Variants in C5orf58 observed in about 807,000 individuals in gnomAD.
C5orf58 encodes chromosome 5 open reading frame 58.
Under a neutral mutation model 2.9 loss-of-function variants are expected in C5orf58, and 2 were observed. That is an observed-to-expected ratio of 0.69 (90% CI 0.28 to 2.18). The LOEUF (loss-of-function observed/expected upper bound fraction) is 2.18, where lower values mean the gene tolerates loss of function less well. C5orf58 is among the 30% of genes most tolerant of loss of function. The probability of loss-of-function intolerance (pLI) is 0.13; values close to 1 mark genes in which losing one functional copy is unlikely to be tolerated. For synonymous variants in C5orf58, 37 were observed against 33.4 expected (o/e 1.11, Z -0.37); for missense variants, 96 against 91.7 (o/e 1.05, Z -0.19).
chr5:170,250,590 C>A, downstream of C5orf58: 1 of 664,746 alleles, frequency 1.5e-6, no homozygotes, highest in Non-Finnish European at 2.7e-6. Flanking sequence ...TATTTCTCTT[C>A]CAATAAATGA....
At chr5:170,248,244 G>A (rs1038864081), downstream of C5orf58, 4 of 152,866 alleles carry the variant, frequency 2.6e-5, no homozygotes, top group Non-Finnish European at 5.9e-5. Flanking sequence ...ACGAGGTTTA[G>A]TGATTTTCAA....
chr5:170,240,441 T>C (rs1760949398), intron 3 of C5orf58, among the ~76,000 whole-genome samples: 1 of 150,916 alleles, frequency 6.6e-6, no homozygotes, highest in Admixed American at 6.6e-5. Context: ...GCACCTGTTG[T>C]TTCCTGACTT....
In C5orf58 at chr5:170,234,794, G is replaced by T. The variant is rs144652063; in HGVS notation, c.1-183G>T. The T allele has an allele frequency of 1.3e-4, 52 of 393,738 alleles. 1 individual carries two copies. The East Asian group carries it at 2.5e-3, about 19-fold the overall frequency. The allele number at this position is 393,738 out of a possible 1,614,324, so 24.4% of individuals were successfully genotyped here. On this transcript the variant is annotated intron_variant, in intron 2 of 3. Coordinates refer to ENST00000593851, the MANE Select transcript of C5orf58 (RefSeq NM_001102609.3). The stretch of plus-strand genomic sequence containing the variant: ...CTACAAATTCCAGTTGGAGTTTTTA[G>T]TTGGAAAAATATTACATAACACATT...
intron 3 of C5orf58, 37 bp downstream of exon 3, chr5:170,235,107 G>A (rs1760689734): frequency 2.7e-6 from 3 of 1,092,482 alleles, no homozygotes; most frequent in Non-Finnish European, 4.0e-6. Context: ...GCATGTCATT[G>A]TTATAAAATA....
At chr5:170,250,527 G>A (rs376011273), downstream of C5orf58, among the ~76,000 whole-genome samples, 76 of 152,234 alleles carry the variant, frequency 5.0e-4, no homozygotes, top group African/African-American at 1.6e-3. Flanking sequence ...TGAAAGAAAA[G>A]ATATACAAGA....
chr5:170,234,234 G>GTCCAAA, intron 2 of C5orf58, 36 bp downstream of exon 2: 2 of 1,255,446 alleles, frequency 1.6e-6, no homozygotes, highest in Non-Finnish European at 1.1e-6. Context: ...CAAGCAGCTT[G>GTCCAAA]ACCCATGACT....
intron 3 of C5orf58, among the ~76,000 whole-genome samples, chr5:170,245,551 ACC>A (rs972972720): frequency 5.3e-5 from 8 of 151,902 alleles, no homozygotes; most frequent in African/African-American, 1.9e-4. Flanking sequence ...TGCGTCCGTC[ACC>A]CCTTTCTTTG....
chr5:170,234,882 A>T (rs1023747115), intron 2 of C5orf58, 95 bp from the exon 3 acceptor site: 2 of 553,998 alleles, frequency 3.6e-6, no homozygotes, highest in Non-Finnish European at 6.2e-6. Context: ...TATTTCTGAA[A>T]TAACAGATTT....
downstream of C5orf58, chr5:170,247,584 GT>G (rs1178985120): frequency 6.6e-6 from 1 of 152,208 alleles, no homozygotes; most frequent in Non-Finnish European, 1.5e-5. Context: ...CTGAATACCA[GT>G]TTTTTAATCT....
chr5:170,243,631 G>T (rs1300114025), intron 3 of C5orf58, among the ~76,000 whole-genome samples: 1 of 149,190 alleles, frequency 6.7e-6, no homozygotes, highest in East Asian at 2.0e-4. Flanking sequence ...CATTTGCTTG[G>T]TAGATCTTCC....
chr5:170,233,117 G>A, intron 1 of C5orf58, 110 bp downstream of exon 1: 1 of 346,562 alleles, frequency 2.9e-6, no homozygotes, highest in African/African-American at 2.2e-5. Flanking sequence ...CACCCAACGG[G>A]TGGGCGGTGG....
chr5:170,232,989 C>T lies in C5orf58; in HGVS notation c.-103C>T, dbSNP rs1025530374. 5.1e-6 allele frequency: 5 copies of T among 985,222 alleles called. No individual in the cohort carries two copies. Among genetic ancestry groups the T allele is most frequent in the African/African-American group, 3.5e-5 (2 of 57,252 alleles). The allele number at this position is 985,222 out of a possible 1,614,324, so 61.0% of individuals were successfully genotyped here. A position where few individuals can be genotyped will look rare whatever the true frequency, so the allele number is the denominator to read the frequency against. On this transcript the variant is annotated 5_prime_UTR_variant, in exon 1 of 4. Coordinates refer to ENST00000593851, the MANE Select transcript of C5orf58 (RefSeq NM_001102609.3). ...GTCGGCTCCCTGCTCCTGTCAGAAC[C>T]TCGGTGACGGTTGGCCAGGTGGGTA... is the stretch of plus-strand genomic sequence containing the variant.
chr5:170,246,412 A>G, downstream of C5orf58: 1 of 205,640 alleles, frequency 4.9e-6, no homozygotes, highest in Non-Finnish European at 9.9e-6. Context: ...AGTTTTTATT[A>G]ATCAGAACTC....
intron 1 of C5orf58, 115 bp downstream of exon 1, chr5:170,233,122 C>T (rs995320200): frequency 3.7e-5 from 12 of 328,222 alleles, no homozygotes; most frequent in African/African-American, 4.5e-5. Context: ...AACGGGTGGG[C>T]GGTGGGCCGG....
intron 3 of C5orf58, chr5:170,237,404 TAGAG>T (rs1760789099): frequency 5.0e-6 from 2 of 397,500 alleles, no homozygotes; most frequent in African/African-American, 4.1e-5. Flanking sequence ...GATGTGTAAA[TAGAG>T]AGATTTAACT....
chr5:170,250,616 T>G, downstream of C5orf58: 1 of 799,420 alleles, frequency 1.3e-6, no homozygotes, highest in Non-Finnish European at 2.1e-6. Context: ...TTCACTCATG[T>G]GATTTAATCC....
chr5:170,249,719 C>A (rs1761389526), downstream of C5orf58, among the ~76,000 whole-genome samples: 1 of 152,124 alleles, frequency 6.6e-6, no homozygotes, highest in African/African-American at 2.4e-5. Flanking sequence ...CCTGGATCGC[C>A]CCAGCCTTGA....
chr5:170,252,436 G>C, downstream of C5orf58: 1 of 1,538,474 alleles, frequency 6.5e-7, no homozygotes, highest in Non-Finnish European at 9.0e-7. Context: ...CACAATACCT[G>C]GTTTATCTTT....
At chr5:170,243,180 G>A (rs958321774) in intron 3 of C5orf58, among the ~76,000 whole-genome samples, 2 of 149,728 alleles carry the variant, frequency 1.3e-5, no homozygotes, top group Non-Finnish European at 3.0e-5. Flanking sequence ...CATTTGCTGA[G>A]GAGAGCTTTA....
Sources: allele counts gnomAD v4.1 joint callset (sites outside exome capture counted in the v4.1 genomes callset), GRCh38; gene constraint gnomAD v4.1.1; transcripts MANE v1.5; gene names NCBI Gene and HGNC (gene_info 2026-07-23, HGNC 2026-07-21).